SIDT2: variants seen among roughly 807,000 people sequenced by gnomAD.
SIDT2 encodes the protein SID1 transmembrane family member 2.
A neutral mutation model predicts 114.4 loss-of-function variants in SIDT2; 68 were observed. The observed-to-expected ratio is 0.59, with a 90% CI of 0.49 to 0.73. SIDT2 has a LOEUF of 0.73. Ranked by LOEUF, SIDT2 falls within the 30% of genes least tolerant of loss-of-function variation. The probability of loss-of-function intolerance (pLI) is 0.00; values close to 1 mark genes in which losing one functional copy is unlikely to be tolerated. For missense variants in SIDT2, 918 were observed against 1,097.1 expected (o/e 0.84, Z 2.31); for synonymous variants, 470 against 438.4 (o/e 1.07, Z -0.90).
chr11:117,182,003 GC>G, intron 3 of SIDT2, 32 bp downstream of exon 3: 1 of 1,614,110 alleles, frequency 6.2e-7, no homozygotes, highest in Non-Finnish European at 8.5e-7. Flanking sequence ...GACCACGGGG[GC>G]TGGTTCTTCC....
chr11:117,192,733 G>T lies in SIDT2; in HGVS notation c.2058+83G>T. ...GGAGTGGGGCTGGGCTGAGGACCCAGGGGAGAGTGGGGACCAGCTGGCTGG... is the reference window on the plus strand; with the variant it reads ...GGAGTGGGGCTGGGCTGAGGACCCATGGGAGAGTGGGGACCAGCTGGCTGG... On this transcript the variant is annotated intron_variant, in intron 21 of 25. Transcript: ENST00000324225. This position sits in a 1 kb window ranked among gnomAD's most constrained non-coding sequence, Gnocchi z 5.9. 6.2e-7 allele frequency: 1 copy of T among 1,610,748 alleles called. No individual in the cohort carries two copies. Among genetic ancestry groups the T allele is most frequent in the Non-Finnish European group, 8.5e-7 (1 of 1,177,584 alleles).
rs767962281 is a variant in SIDT2 at position 117,195,897 on chromosome 11, C to T, written c.2418C>T (p.Ala806=). The change falls in exon 25 of 26, where the codon GCC becomes GCT. Residue 806 remains alanine (A), a synonymous_variant. Transcript: ENST00000324225. ...TCTGGCACTTCCTCTCCTCCATCGC[C>T]ATGTTCGGGTCCTTCCTGGTAAGCG... The part of the protein sequence containing the change: ...HDIWHFLSSI[A]MFGSFLVLLT... The T allele has an allele frequency of 1.7e-5, 27 of 1,614,138 alleles. No individual in the cohort carries two copies. The highest frequency in any genetic ancestry group is 2.3e-5 in the Non-Finnish European group (27 of 1,180,052).
Position 117,192,706 on chromosome 11 carries a change from G to A in SIDT2, c.2058+56G>A. 6.2e-7 allele frequency: 1 copy of A among 1,612,260 alleles called. No homozygotes were observed. The highest frequency in any genetic ancestry group is 8.5e-7 in the Non-Finnish European group (1 of 1,179,046). On this transcript the variant is annotated intron_variant, in intron 21 of 25. Transcript: ENST00000324225. This position sits in a 1 kb window ranked among gnomAD's most constrained non-coding sequence, Gnocchi z 5.9. ...CACATCTCCTTTCTTCCCTCTGATG[G>A]GGGAGTGGGGCTGGGCTGAGGACCC...
At chr11:117,186,321 A>G in intron 9 of SIDT2, 98 bp downstream of exon 9, 2 of 1,100,228 alleles carry the variant, frequency 1.8e-6, no homozygotes, top group East Asian at 2.4e-5. Flanking sequence ...AGGGTAATCT[A>G]CACCATCCAT....
intron 18 of SIDT2, chr11:117,191,523 G>T (rs1196988558): frequency 4.4e-6 from 1 of 227,866 alleles, no homozygotes; most frequent in Admixed American, 5.3e-5. Context: ...AGCGGAGGTT[G>T]CAGTGAGCCG....
rs1029253524 is a variant in SIDT2, at chr11:117,190,517, C to T, written c.1618-106C>T. On this transcript the variant is annotated intron_variant, in intron 17 of 25. Coordinates refer to ENST00000324225, the MANE Select transcript of SIDT2 (RefSeq NM_001040455.2). This position sits in a 1 kb window ranked among gnomAD's most constrained non-coding sequence, Gnocchi z 4.1. Reference sequence around the variant, plus strand: ...CTGCACACCCACACTCGACACATACCCCACCCCTTTTCCTCTTCCACTCCT... The same window carrying T: ...CTGCACACCCACACTCGACACATACTCCACCCCTTTTCCTCTTCCACTCCT... 1 of 1,135,646 alleles carries T rather than the reference C, an allele frequency of 8.8e-7. No individual in the cohort carries two copies. The highest frequency in any genetic ancestry group is 1.5e-5 in the African/African-American group (1 of 64,850). The allele number at this position is 1,135,646 out of a possible 1,614,324, so 70.3% of individuals were successfully genotyped here. A position where few individuals can be genotyped will look rare whatever the true frequency, so the allele number is the denominator to read the frequency against.
chr11:117,192,259 T>C lies in SIDT2; in HGVS notation c.1878T>C (p.Phe626=). Residue 626 remains phenylalanine (F), a synonymous_variant, in exon 20 of 26, where the codon TTT becomes TTC. Coordinates refer to ENST00000324225, the MANE Select transcript of SIDT2 (RefSeq NM_001040455.2). This position sits in a 1 kb window ranked among gnomAD's most constrained non-coding sequence, Gnocchi z 5.9. ...CCTTGGTGGCCTCCCGACAGGTCTTTGGCAAAGGGAACACGGCGTTCTGGA... is the reference window on the plus strand; with the variant it reads ...CCTTGGTGGCCTCCCGACAGGTCTTCGGCAAAGGGAACACGGCGTTCTGGA... The part of the protein sequence containing the change: ...VIFFSVLGVV[F]GKGNTAFWIV... 2 of 1,606,240 alleles carry C rather than the reference T, an allele frequency of 1.2e-6. No homozygotes were observed. Among genetic ancestry groups the C allele is most frequent in the African/African-American group, 2.7e-5 (2 of 74,816 alleles).
chr11:117,185,890 A>AG, intron 8 of SIDT2: 13 of 350,702 alleles, frequency 3.7e-5, no homozygotes, highest in African/African-American at 2.1e-4. Context: ...AAAAAAAAAA[A>AG]AAAAAGTAGA....
chr11:117,184,176 C>T (rs776703367), intron 8 of SIDT2, 37 bp downstream of exon 8: 2 of 1,601,968 alleles, frequency 1.2e-6, no homozygotes, highest in Admixed American at 1.7e-5. Flanking sequence ...GATGGACAAG[C>T]CTCTCTGGCT....
At chr11:117,184,886 C>T (rs770980517) in intron 8 of SIDT2, among the ~76,000 whole-genome samples, 1 of 152,098 alleles carries the variant, frequency 6.6e-6, no homozygotes, top group South Asian at 2.1e-4. Context: ...CCGCCATGCC[C>T]AGCTAATTTT....
rs538772152 is a variant in SIDT2, at chr11:117,186,602, G to C, written c.981G>C (p.Leu327=). 5 of 1,571,908 alleles carry C rather than the reference G, an allele frequency of 3.2e-6. No individual in the cohort carries two copies. Among genetic ancestry groups the C allele is most frequent in the Non-Finnish European group, 4.3e-6 (5 of 1,162,464 alleles). ...CATGCAGGCAGAAGAAGAAGACCCT[G>C]CTGGTGGCCATTGACCGAGCCTGCC... The part of the protein sequence containing the change: ...WENWRQKKKT[L]LVAIDRACPE... Residue 327 remains leucine (L), a synonymous_variant, in exon 10 of 26, where the codon CTG becomes CTC. Coordinates refer to ENST00000324225, the MANE Select transcript of SIDT2 (RefSeq NM_001040455.2).
rs528909279 is a variant in SIDT2 at position 117,183,755 on chromosome 11, A to T, written c.703-24A>T. 25 of 1,466,066 alleles carry T rather than the reference A, an allele frequency of 1.7e-5. No homozygotes were observed. The African/African-American group carries it at 3.3e-4, about 20-fold the overall frequency. 90.8% of individuals were successfully genotyped at this position (1,466,066 alleles called of 1,614,324 possible). A position where few individuals can be genotyped will look rare whatever the true frequency, so the allele number is the denominator to read the frequency against. On this transcript the variant is annotated intron_variant, in intron 6 of 25. Transcript: ENST00000324225. ...AATGATGATGATGATGATGAAGAAG[A>T]TATTTATCATCATCATCCTGCAGCG...
At chr11:117,186,042 G>C in intron 8 of SIDT2, 88 bp from the exon 9 acceptor site, 1 of 1,065,414 alleles carries the variant, frequency 9.4e-7, no homozygotes, top group Non-Finnish European at 1.5e-6. Flanking sequence ...ATTGAGCTGG[G>C]TGGAGGAGGA....
At position 117,190,103 on chromosome 11, in the gene SIDT2, G is replaced by A. The variant is rs926139361; in HGVS notation, c.1494-63G>A. On this transcript the variant is annotated intron_variant, in intron 16 of 25. Transcript: ENST00000324225. The surrounding 1 kb of genome is among the most constrained non-coding windows in gnomAD (Gnocchi z 4.1). ...GGGCCTGGGGCTTTGCAATGCCCAC[G>A]TGGGCTAGGGAAGAGGCCTGGGTGT... 1.9e-5 allele frequency: 30 copies of A among 1,612,830 alleles called. No homozygotes were observed. Among genetic ancestry groups the A allele is most frequent in the Admixed American group, 8.3e-5 (5 of 59,958 alleles).
rs2030895359 is a variant in SIDT2, at chr11:117,196,321, T to C, written c.*255T>C. On this transcript the variant is annotated 3_prime_UTR_variant, in exon 26 of 26. Coordinates refer to ENST00000324225, the MANE Select transcript of SIDT2 (RefSeq NM_001040455.2). The surrounding 1 kb of genome is among the most constrained non-coding windows in gnomAD (Gnocchi z 4.9). ...TGTTGGCCAAATTGCTGCTTTCTTC[T>C]CAGTGTTGGGGCCTTCCATGGGCCC... The C allele has an allele frequency of 5.4e-6, 3 of 555,258 alleles. No homozygotes were observed. Among genetic ancestry groups the C allele is most frequent in the Admixed American group, 3.1e-5 (1 of 32,244 alleles). 34.4% of individuals were successfully genotyped at this position (555,258 alleles called of 1,614,324 possible). A position where few individuals can be genotyped will look rare whatever the true frequency, so the allele number is the denominator to read the frequency against.
chr11:117,192,672 T>C lies in SIDT2; in HGVS notation c.2058+22T>C, dbSNP rs188756223. On this transcript the variant is annotated intron_variant, in intron 21 of 25. Coordinates refer to ENST00000324225, the MANE Select transcript of SIDT2 (RefSeq NM_001040455.2). This position sits in a 1 kb window ranked among gnomAD's most constrained non-coding sequence, Gnocchi z 5.9. ...CGTGGTACCTGCCTGGTTCCCCTGCTCCATTCTCCACATCTCCTTTCTTCC... is the reference window on the plus strand; with the variant it reads ...CGTGGTACCTGCCTGGTTCCCCTGCCCCATTCTCCACATCTCCTTTCTTCC... 2 of 1,612,912 alleles carry C rather than the reference T, an allele frequency of 1.2e-6. No individual in the cohort carries two copies. The highest frequency in any genetic ancestry group is 2.2e-5 in the East Asian group (1 of 44,890).
chr11:117,188,811 T>A lies in SIDT2; in HGVS notation c.1263T>A (p.Asn421Lys). ...TGACCGACATCGATTCCGACAAGAA[T>A]GTCATTCGCACCAAGGTCTGACCCG... ...DTLTDIDSDK[N>K]VIRTKQYLYV... Residue 421 changes from asparagine (N) to lysine (K), a missense_variant, in exon 13 of 26, where the codon AAT becomes AAA. This residue lies in a region of SIDT2 where 553 missense variants were observed against 600.1 expected (regional missense o/e 0.92). Coordinates refer to ENST00000324225, the MANE Select transcript of SIDT2 (RefSeq NM_001040455.2). This position sits in a 1 kb window ranked among gnomAD's most constrained non-coding sequence, Gnocchi z 4.0. 6.2e-7 allele frequency: 1 copy of A among 1,614,152 alleles called. No homozygotes were observed. Among genetic ancestry groups the A allele is most frequent in the Non-Finnish European group, 8.5e-7 (1 of 1,179,998 alleles).
chr11:117,194,335 G>A lies in SIDT2; in HGVS notation c.2322+372G>A, dbSNP rs1328696002. Reference sequence around the variant, plus strand: ...AAAAAAAATTTTAAACATCATTTGGGAACACCTACCATAGGCCAGCACTTT... The same window carrying A: ...AAAAAAAATTTTAAACATCATTTGGAAACACCTACCATAGGCCAGCACTTT... On this transcript the variant is annotated intron_variant, in intron 24 of 25. Transcript: ENST00000324225. Among the ~76,000 whole-genome samples the A allele has an allele frequency of 2.0e-5, 3 of 152,032 alleles. No homozygotes were observed. The South Asian group carries it at 6.2e-4, about 32-fold the overall frequency.
chr11:117,189,422 C>A, intron 15 of SIDT2, 21 bp downstream of exon 15: 1 of 1,612,246 alleles, frequency 6.2e-7, no homozygotes, highest in South Asian at 1.1e-5. Flanking sequence ...AGGGCAGGTT[C>A]ACCTTTCCGA....
Sources: gnomAD v4.1 joint callset for allele counts (sites outside exome capture counted in the v4.1 genomes callset) on GRCh38, gnomAD v4.1.1 for gene constraint, gnomAD v4.1.1 regional missense constraint, Gnocchi (gnomAD v3.1) non-coding constraint, MANE v1.5 for transcripts, NCBI Gene and HGNC (gene_info 2026-07-23, HGNC 2026-07-21) for gene names.